Variants in PCLO observed in about 807,000 individuals in gnomAD.
PCLO encodes the protein protein piccolo.
In PCLO, 82 loss-of-function variants were observed where a neutral mutation model predicts 427.5. That is an observed-to-expected ratio of 0.19 (90% CI 0.16 to 0.23). The LOEUF (loss-of-function observed/expected upper bound fraction) is 0.23. Among genes scored for constraint, PCLO ranks in the 10% least tolerant of loss-of-function variants. The pLI is 1.00. For missense variants in PCLO, 6,239 were observed against 6,115.9 expected, an observed-to-expected ratio of 1.02 and a Z score of -0.67; for synonymous variants, 2,357 against 2,155.4, an observed-to-expected ratio of 1.09 and a Z score of -2.59.
intron 2 of PCLO, among the ~76,000 whole-genome samples, chr7:83,136,999 C>T (rs952573953): frequency 1.3e-5 from 2 of 152,046 alleles, no homozygotes; most frequent in Non-Finnish European, 2.9e-5. Flanking sequence ...CATGATCCAA[C>T]GTTCTCCACC....
Position 82,808,388 on chromosome 7 carries a change from T to C in PCLO, c.14792-2559A>G, listed in dbSNP as rs1210302937. ...ATCCTTTGTTTTGTCAACTTTGGTT[T>C]TACCTGATGCGATTTTTAGTTCTAT... On this transcript the variant is annotated intron_variant, in intron 20 of 24. Coordinates refer to ENST00000333891, the MANE Select transcript of PCLO (RefSeq NM_033026.6). Among the ~76,000 whole-genome samples, 63 of 151,912 alleles carry C rather than the reference T, an allele frequency of 4.1e-4. 1 individual carries two copies. The highest frequency in any genetic ancestry group is 4.4e-5 in the Non-Finnish European group (3 of 67,826).
chr7:82,986,832 A>G (rs1362752933), intron 3 of PCLO, among the ~76,000 whole-genome samples: 2 of 151,950 alleles, frequency 1.3e-5, no homozygotes, highest in Non-Finnish European at 2.9e-5. Flanking sequence ...TTGCAATATA[A>G]TTATTGATGA....
chr7:82,974,266 A>G (rs1386925510), intron 3 of PCLO, among the ~76,000 whole-genome samples: 1 of 152,140 alleles, frequency 6.6e-6, no homozygotes, highest in Non-Finnish European at 1.5e-5. Context: ...GGCACCTGTA[A>G]TCTCAGCTAC....
chr7:82,812,533 A>T (rs560057018), intron 20 of PCLO, among the ~76,000 whole-genome samples: 36 of 151,688 alleles, frequency 2.4e-4, no homozygotes, highest in African/African-American at 8.2e-4. Flanking sequence ...ATAATGAAAG[A>T]AAGTTTGACT....
chr7:82,944,152 A>G (rs1795147924), intron 6 of PCLO, among the ~76,000 whole-genome samples: 1 of 150,306 alleles, frequency 6.7e-6, no homozygotes, highest in Non-Finnish European at 1.5e-5. Context: ...AAAAAAAAAA[A>G]AAAAAAAAAA....
chr7:82,767,541 T>C (rs886442100), intron 22 of PCLO, among the ~76,000 whole-genome samples: 1 of 151,950 alleles, frequency 6.6e-6, no homozygotes, highest in Non-Finnish European at 1.5e-5. Flanking sequence ...GAAATTAAGA[T>C]TATTGACATG....
At chr7:83,008,931 A>C (rs2115975751) in intron 3 of PCLO, among the ~76,000 whole-genome samples, 1 of 151,748 alleles carries the variant, frequency 6.6e-6, no homozygotes, top group African/African-American at 2.4e-5. Context: ...GCGATGGAAA[A>C]AAGATATATT....
chr7:83,082,706 G>A (rs1050560535), intron 3 of PCLO, among the ~76,000 whole-genome samples: 3 of 151,440 alleles, frequency 2.0e-5, no homozygotes, highest in African/African-American at 2.4e-5. Context: ...TAATTACTCC[G>A]ATTTGATCAT....
intron 10 of PCLO, among the ~76,000 whole-genome samples, chr7:82,859,457 C>G (rs1792898925): frequency 6.6e-6 from 1 of 152,206 alleles, no homozygotes; most frequent in South Asian, 2.1e-4. Flanking sequence ...ACAAGAGTCT[C>G]TGTCTGGTAA....
chr7:83,024,470 C>T (rs940979581), intron 3 of PCLO, among the ~76,000 whole-genome samples: 16 of 152,174 alleles, frequency 1.1e-4, no homozygotes, highest in Non-Finnish European at 1.6e-4. Flanking sequence ...CACGGAGTCT[C>T]GCTGATTGCT....
chr7:82,922,155 A>C (rs1007540162), intron 6 of PCLO, among the ~76,000 whole-genome samples: 6 of 152,048 alleles, frequency 3.9e-5, no homozygotes, highest in Admixed American at 3.9e-4. Context: ...AAATTAGTTC[A>C]GCCACTGTGG....
At chr7:82,838,886 C>A (rs574271174) in intron 14 of PCLO, among the ~76,000 whole-genome samples, 3 of 151,810 alleles carry the variant, frequency 2.0e-5, no homozygotes, top group South Asian at 2.1e-4. Context: ...CCTATAGATA[C>A]CTTTCGGTAC....
intron 16 of PCLO, among the ~76,000 whole-genome samples, chr7:82,835,019 A>G (rs1792195572): frequency 1.3e-5 from 2 of 151,578 alleles, no homozygotes; most frequent in Non-Finnish European, 2.9e-5. Flanking sequence ...ATCTTGGCTC[A>G]CTGCAAGCTC....
At chr7:83,126,000 G>C (rs1022547930) in intron 3 of PCLO, among the ~76,000 whole-genome samples, 2 of 152,148 alleles carry the variant, frequency 1.3e-5, no homozygotes, top group Non-Finnish European at 2.9e-5. Flanking sequence ...CAGATGAATG[G>C]ATAAAGAAAA....
intron 6 of PCLO, among the ~76,000 whole-genome samples, chr7:82,945,953 G>T (rs564537157): frequency 6.6e-6 from 1 of 152,116 alleles, no homozygotes; most frequent in South Asian, 2.1e-4. Context: ...ACTAATAAAA[G>T]GATAAGAACT....
rs1188586461 is a variant in PCLO at position 82,966,078 on chromosome 7, T to C, written c.3710A>G (p.Glu1237Gly). 3 of 1,612,716 alleles carry C rather than the reference T, an allele frequency of 1.9e-6. No individual in the cohort carries two copies. Among genetic ancestry groups the C allele is most frequent in the Non-Finnish European group, 2.5e-6 (3 of 1,179,630 alleles). ...IRSEEKKPLLEEKKPTPEDKK... is the reference protein window; with the variant it reads ...IRSEEKKPLLGEKKPTPEDKK... ...GTCTTCAGGGGTTGGCTTTTTTTCTTCTAGGAGTGGCTTTTTTTCTTCAGA... is the reference window on the plus strand; with the variant it reads ...GTCTTCAGGGGTTGGCTTTTTTTCTCCTAGGAGTGGCTTTTTTTCTTCAGA... The change falls in exon 4 of 25, where the codon GAA (glutamate) becomes GGA (glycine). Residue 1237 changes from glutamate (E) to glycine (G), a missense_variant. Glu to Gly is a moderately conservative substitution (Grantham distance 98). This residue lies in a region of PCLO where 4,677 missense variants were observed against 4,468.4 expected (regional missense o/e 1.05). Transcript: ENST00000333891.
At position 82,915,657 on chromosome 7, in the gene PCLO, G is replaced by A. The variant is rs763138562; in HGVS notation, c.12329C>T (p.Ala4110Val). The change falls in exon 7 of 25, where the codon GCG becomes GTG. Residue 4110 changes from alanine (A) to valine (V), a missense_variant. Ala to Val is a moderately conservative substitution (Grantham distance 64). Transcript: ENST00000333891. ...SSSRLHSYVK[A>V]EEDPMEDPYE... ...AGGATCCTCCATTGGGTCTTCCTCCGCCTTCACATAACTATGCAATCTAGA... is the reference window on the plus strand; with the variant it reads ...AGGATCCTCCATTGGGTCTTCCTCCACCTTCACATAACTATGCAATCTAGA... The A allele has an allele frequency of 3.9e-5, 63 of 1,613,096 alleles. No individual in the cohort carries two copies. The highest frequency in any genetic ancestry group is 2.2e-4 in the Admixed American group (13 of 59,874).
At chr7:83,026,335 A>G (rs1228118359) in intron 3 of PCLO, among the ~76,000 whole-genome samples, 4 of 152,146 alleles carry the variant, frequency 2.6e-5, no homozygotes, top group South Asian at 4.1e-4. Context: ...CTTTAAACCA[A>G]CAAAGATCAA....
chr7:82,873,470 A>G (rs1793291514), intron 10 of PCLO, among the ~76,000 whole-genome samples: 1 of 152,230 alleles, frequency 6.6e-6, no homozygotes, highest in African/African-American at 2.4e-5. Flanking sequence ...AAGGAACATC[A>G]TGTCCAGTTT....
Sources: gnomAD v4.1 joint callset for allele counts (sites outside exome capture counted in the v4.1 genomes callset) on GRCh38, gnomAD v4.1.1 for gene constraint, gnomAD v4.1.1 regional missense constraint, MANE v1.5 for transcripts, NCBI Gene and HGNC (gene_info 2026-07-23, HGNC 2026-07-21) for gene names.